CTNNA2: variants seen among roughly 807,000 people sequenced by gnomAD.
CTNNA2 encodes catenin alpha 2, also known as catenin alpha-2.
A neutral mutation model predicts 101.0 loss-of-function variants in CTNNA2; 42 were observed. The ratio of observed to expected loss-of-function variants is 0.42; its 90% CI spans 0.32 to 0.54. CTNNA2 has a LOEUF of 0.54. CTNNA2 is among the 20% of genes least tolerant of loss of function. CTNNA2 has a pLI of 0.14. For missense variants in CTNNA2, 871 were observed against 1,223.1 expected (o/e 0.71, Z 4.29); for synonymous variants, 450 against 456.4 (o/e 0.99, Z 0.18).
At chr2:80,410,647 A>G (rs989158547) in intron 8 of CTNNA2, among the ~76,000 whole-genome samples, 15 of 152,188 alleles carry the variant, frequency 9.9e-5, no homozygotes, top group African/African-American at 3.1e-4. Flanking sequence ...AGGGCATTTA[A>G]ACCATTCTAG....
At chr2:79,825,185 G>C (rs892177656) in intron 3 of CTNNA2, among the ~76,000 whole-genome samples, 1 of 152,110 alleles carries the variant, frequency 6.6e-6, no homozygotes, top group African/African-American at 2.4e-5. Flanking sequence ...GGAGATCCTG[G>C]CTCCATAGGA....
intron 7 of CTNNA2, among the ~76,000 whole-genome samples, chr2:80,194,642 G>A (rs1706722094): frequency 6.6e-6 from 1 of 151,118 alleles, no homozygotes; most frequent in Admixed American, 6.6e-5. Context: ...AAAAAGATTA[G>A]GTAATAAGGA....
intron 12 of CTNNA2, among the ~76,000 whole-genome samples, chr2:80,559,735 TA>T (rs1402025944): frequency 6.6e-6 from 1 of 152,064 alleles, no homozygotes. Flanking sequence ...GGCTCTTCAA[TA>T]AAACCTGAAT....
chr2:80,416,296 T>TA (rs1283345760), intron 8 of CTNNA2, among the ~76,000 whole-genome samples: 2 of 152,300 alleles, frequency 1.3e-5, no homozygotes, highest in South Asian at 2.1e-4. Context: ...TATATGTTTA[T>TA]AAAAAATGTA....
intron 15 of CTNNA2, among the ~76,000 whole-genome samples, chr2:80,599,416 G>T (rs900018490): frequency 6.6e-6 from 1 of 152,082 alleles, no homozygotes; most frequent in Non-Finnish European, 1.5e-5. Context: ...CCAAATTCAA[G>T]GTCTTCTCTT....
rs114804280 is a variant in CTNNA2, at chr2:79,459,329, C to A, written c.-134-45725C>A. 4.8e-3 allele frequency among the ~76,000 whole-genome samples: 726 copies of A among 151,676 alleles called. 7 individuals are homozygous for A. Among genetic ancestry groups the A allele is most frequent in the African/African-American group, 0.016 (667 of 41,386 alleles). ...TTTAACATTATTACGAACATACAGACAAATTGTATTTTTAGGAAAAAATAG... is the reference window on the plus strand; with the variant it reads ...TTTAACATTATTACGAACATACAGAAAAATTGTATTTTTAGGAAAAAATAG... On this transcript the variant is annotated intron_variant, in intron 4 of 21. Transcript: ENST00000466387.
intron 7 of CTNNA2, among the ~76,000 whole-genome samples, chr2:80,136,371 G>A (rs1011135124): frequency 1.3e-5 from 2 of 152,146 alleles, no homozygotes; most frequent in Admixed American, 1.3e-4. Context: ...TGGCAGGAAG[G>A]TCTTGTGATT....
intron 7 of CTNNA2, among the ~76,000 whole-genome samples, chr2:79,946,419 T>C (rs1688496136): frequency 1.3e-5 from 2 of 152,180 alleles, no homozygotes; most frequent in South Asian, 4.1e-4. Flanking sequence ...TGAGAGTCTA[T>C]TACTTTAAAC....
At chr2:80,054,907 T>C (rs966808081) in intron 7 of CTNNA2, among the ~76,000 whole-genome samples, 2 of 152,128 alleles carry the variant, frequency 1.3e-5, no homozygotes, top group Non-Finnish European at 2.9e-5. Flanking sequence ...CCCATCTTAA[T>C]AGGGTGAAGA....
chr2:80,151,680 A>C (rs1321427513), intron 7 of CTNNA2, among the ~76,000 whole-genome samples: 3 of 152,176 alleles, frequency 2.0e-5, no homozygotes, highest in Admixed American at 6.5e-5. Flanking sequence ...ACCAGCATCC[A>C]TGACAGGCTC....
chr2:80,283,660 A>T (rs1424777807), intron 7 of CTNNA2, among the ~76,000 whole-genome samples: 1 of 152,120 alleles, frequency 6.6e-6, no homozygotes, highest in East Asian at 1.9e-4. Context: ...ACAATAGATG[A>T]TAACAGGTTG....
At chr2:80,053,458 G>A (rs996410273) in intron 7 of CTNNA2, among the ~76,000 whole-genome samples, 5 of 152,172 alleles carry the variant, frequency 3.3e-5, no homozygotes, top group South Asian at 2.1e-4. Context: ...AAACTGAGAC[G>A]TCAAGTAATT....
At chr2:79,927,026 G>A (rs1335697566) in intron 7 of CTNNA2, among the ~76,000 whole-genome samples, 1 of 152,130 alleles carries the variant, frequency 6.6e-6, no homozygotes, top group African/African-American at 2.4e-5. Context: ...CAAAGATGGA[G>A]AGTATACTTT....
At chr2:80,068,204 G>T (rs891866152) in intron 7 of CTNNA2, among the ~76,000 whole-genome samples, 4 of 152,200 alleles carry the variant, frequency 2.6e-5, no homozygotes, top group African/African-American at 9.6e-5. Context: ...ATGCCAAAGA[G>T]CAACCTCACA....
chr2:80,239,577 C>T (rs556602793), intron 7 of CTNNA2, among the ~76,000 whole-genome samples: 2 of 151,842 alleles, frequency 1.3e-5, no homozygotes, highest in South Asian at 2.1e-4. Context: ...ATTTATAAAT[C>T]GGGTACAGTA....
intron 1 of CTNNA2, among the ~76,000 whole-genome samples, chr2:79,613,426 C>A (rs1253160137): frequency 1.3e-5 from 2 of 150,938 alleles, no homozygotes; most frequent in Non-Finnish European, 2.9e-5. Flanking sequence ...TCATCAAGAA[C>A]CTGTAATCCT....
intron 2 of CTNNA2, among the ~76,000 whole-genome samples, chr2:79,292,392 C>G (rs1208430256): frequency 6.6e-6 from 1 of 152,136 alleles, no homozygotes; most frequent in Non-Finnish European, 1.5e-5. Context: ...CCAGCTGATG[C>G]TTTCTTTAAC....
chr2:79,627,133 G>T (rs1679362586), intron 1 of CTNNA2, among the ~76,000 whole-genome samples: 1 of 152,308 alleles, frequency 6.6e-6, no homozygotes, highest in African/African-American at 2.4e-5. Context: ...CATCTTGTGA[G>T]ATCACCACCC....
intron 2 of CTNNA2, among the ~76,000 whole-genome samples, chr2:79,704,371 T>C (rs1410213301): frequency 1.3e-5 from 2 of 152,218 alleles, no homozygotes; most frequent in Non-Finnish European, 2.9e-5. Context: ...TTACAGTCTT[T>C]TATTGTGTGA....
Sources: allele counts gnomAD v4.1 joint callset (sites outside exome capture counted in the v4.1 genomes callset), GRCh38; gene constraint gnomAD v4.1.1; transcripts MANE v1.5; gene names NCBI Gene and HGNC (gene_info 2026-07-23, HGNC 2026-07-21).